APBB1IP: variants seen among roughly 807,000 people sequenced by gnomAD.
APBB1IP encodes the protein amyloid beta precursor protein binding family B member 1 interacting protein, also known as amyloid beta A4 precursor protein-binding family B member 1-interacting protein.
In APBB1IP, 27 loss-of-function variants were observed where a neutral mutation model predicts 64.9. That is an observed-to-expected ratio of 0.42 (90% CI 0.31 to 0.57). APBB1IP has a LOEUF of 0.57. Among genes scored for constraint, APBB1IP ranks in the 20% least tolerant of loss-of-function variants. The pLI, the probability that APBB1IP is intolerant of heterozygous loss-of-function variation, is 0.20. For missense variants in APBB1IP, 812 were observed against 845.5 expected, an observed-to-expected ratio of 0.96 and a Z score of 0.49; for synonymous variants, 392 against 331.0, an observed-to-expected ratio of 1.18 and a Z score of -2.00.
In APBB1IP at chr10:26,503,590, G is replaced by A. The variant is rs368898282; in HGVS notation, c.531+316G>A. ...GTGGAGGTTGCAGTGAGCTGAGATC[G>A]AGCCACTGCACTCCAGCCTGGGAGA... On this transcript the variant is annotated intron_variant, in intron 6 of 14. Transcript: ENST00000376236. Among the ~76,000 whole-genome samples, 37 of 152,140 alleles carry A rather than the reference G, an allele frequency of 2.4e-4. 1 individual carries two copies. The East Asian group carries it at 4.8e-3, about 20-fold the overall frequency.
intron 2 of APBB1IP, among the ~76,000 whole-genome samples, chr10:26,450,269 G>A (rs548673228): frequency 2.6e-5 from 4 of 152,268 alleles, no homozygotes; most frequent in South Asian, 2.1e-4. Context: ...TGTAGCATGC[G>A]CTCAAAAATC....
chr10:26,557,840 TA>T (rs1210272516), intron 11 of APBB1IP, among the ~76,000 whole-genome samples: 14 of 152,198 alleles, frequency 9.2e-5, no homozygotes, highest in African/African-American at 3.4e-4. Context: ...AACTGAAGTT[TA>T]AAGACACGAG....
intron 2 of APBB1IP, among the ~76,000 whole-genome samples, chr10:26,467,678 A>G (rs1271318731): frequency 6.6e-6 from 1 of 152,202 alleles, no homozygotes; most frequent in African/African-American, 2.4e-5. Context: ...CCTGGACAAC[A>G]CAGCAAGACT....
intron 6 of APBB1IP, among the ~76,000 whole-genome samples, chr10:26,507,237 A>C (rs1836193332): frequency 6.6e-6 from 1 of 152,160 alleles, no homozygotes; most frequent in African/African-American, 2.4e-5. Context: ...TCACACCTCT[A>C]ATCTCAGCAC....
chr10:26,438,341 A>G lies in APBB1IP; in HGVS notation c.-317A>G, dbSNP rs1380087439. Reference sequence around the variant, plus strand: ...CCGTTGCAACATAAAGCGGCCTCTCAGTCTTTGGTGGAACCATCACTAGGC... The same window carrying G: ...CCGTTGCAACATAAAGCGGCCTCTCGGTCTTTGGTGGAACCATCACTAGGC... On this transcript the variant is annotated 5_prime_UTR_variant, in exon 1 of 15. Transcript: ENST00000376236. The G allele has an allele frequency of 6.6e-6, 1 of 152,188 alleles. No homozygotes were observed. The highest frequency in any genetic ancestry group is 1.5e-5 in the Non-Finnish European group (1 of 68,046). The allele number at this position is 152,188 out of a possible 1,614,324, so 9.4% of individuals were successfully genotyped here.
intron 13 of APBB1IP, 34 bp from the exon 14 acceptor site, chr10:26,562,292 G>C (rs1286623450): frequency 6.8e-7 from 1 of 1,478,534 alleles, no homozygotes; most frequent in East Asian, 2.3e-5. Context: ...AAAATGCTTT[G>C]CTCACTCTTC....
rs138989398 is a variant in APBB1IP at position 26,518,880 on chromosome 10, C to T, written c.813+5220C>T. Among the ~76,000 whole-genome samples, 14 of 152,276 alleles carry T rather than the reference C, an allele frequency of 9.2e-5. No individual in the cohort carries two copies. In the East Asian group the frequency reaches 1.9e-3, roughly 21 times the overall value. ...TTGACCTCTTGCGTCCTAATTGCTT[C>T]AATAGCTCTCTAATGCCTTCACACA... is the stretch of plus-strand genomic sequence containing the variant. On this transcript the variant is annotated intron_variant, in intron 8 of 14. Coordinates refer to ENST00000376236, the MANE Select transcript of APBB1IP (RefSeq NM_019043.4).
chr10:26,532,715 C>G (rs1385232240), intron 8 of APBB1IP, among the ~76,000 whole-genome samples: 1 of 152,084 alleles, frequency 6.6e-6, no homozygotes, highest in East Asian at 1.9e-4. Flanking sequence ...GTCTCAGACT[C>G]CAGGGTTCAA....
Position 26,536,112 on chromosome 10 carries a change from G to T in APBB1IP, c.939G>T (p.Leu313=). The T allele has an allele frequency of 6.2e-7, 1 of 1,605,882 alleles. No homozygotes were observed. The highest frequency in any genetic ancestry group is 8.5e-7 in the Non-Finnish European group (1 of 1,177,080). ...GAACATCTATCATTGTACCAGAACT[G>T]GAAGGAGCTCTTTATTTGAAAGAAG... ...FCGTSIIVPE[L]EGALYLKEDG... is the part of the protein sequence containing the mutation. The change falls in exon 10 of 15, where the codon CTG becomes CTT. Residue 313 remains leucine (L), a synonymous_variant. Coordinates refer to ENST00000376236, the MANE Select transcript of APBB1IP (RefSeq NM_019043.4).
chr10:26,524,247 T>C (rs549854380), intron 8 of APBB1IP, among the ~76,000 whole-genome samples: 1 of 152,260 alleles, frequency 6.6e-6, no homozygotes, highest in Admixed American at 6.5e-5. Flanking sequence ...AAGGTCCTCC[T>C]GTGGCAAGCG....
chr10:26,562,142 T>C (rs1836980663), intron 13 of APBB1IP, 184 bp from the exon 14 acceptor site: 1 of 515,496 alleles, frequency 1.9e-6, no homozygotes, highest in East Asian at 3.5e-5. Flanking sequence ...AGGTTTTGTG[T>C]ACCATGCCAT....
At position 26,560,851 on chromosome 10, in the gene APBB1IP, A is replaced by G; in HGVS notation, c.1369+7A>G. The G allele has an allele frequency of 6.4e-7, 1 of 1,573,600 alleles. No individual in the cohort carries two copies. On this transcript the variant is annotated splice_region_variant and intron_variant, in intron 13 of 14. Transcript: ENST00000376236. ...CCAGCTCAGCCATCTACAGGTACTA[A>G]GTGGAGGAGAAATTCCAACACATAT...
chr10:26,488,797 C>A (rs1261064778), intron 2 of APBB1IP, among the ~76,000 whole-genome samples: 2 of 152,204 alleles, frequency 1.3e-5, no homozygotes, highest in Admixed American at 1.3e-4. Context: ...CACACATAGA[C>A]CTAGACCTTC....
intron 8 of APBB1IP, among the ~76,000 whole-genome samples, chr10:26,518,560 C>T (rs1836362130): frequency 6.6e-6 from 1 of 152,192 alleles, no homozygotes. Flanking sequence ...CCTGTTGTTC[C>T]AGATCCTTGA....
At chr10:26,551,761 G>A (rs527876330) in intron 11 of APBB1IP, among the ~76,000 whole-genome samples, 1 of 152,186 alleles carries the variant, frequency 6.6e-6, no homozygotes, top group East Asian at 1.9e-4. Flanking sequence ...TATTTTTATT[G>A]GCTTTCTCCC....
intron 13 of APBB1IP, among the ~76,000 whole-genome samples, chr10:26,561,052 C>CTTTT (rs1836962560): frequency 5.3e-5 from 6 of 113,300 alleles, no homozygotes; most frequent in East Asian, 2.9e-4. Flanking sequence ...TTCTTTTTTT[C>CTTTT]TTTCTTTCTT....
chr10:26,473,400 G>T (rs1310032708), intron 2 of APBB1IP, among the ~76,000 whole-genome samples: 1 of 152,170 alleles, frequency 6.6e-6, no homozygotes, highest in Non-Finnish European at 1.5e-5. Context: ...TTAATTGGCT[G>T]GCCTGTCCTG....
intron 3 of APBB1IP, among the ~76,000 whole-genome samples, chr10:26,494,879 C>T (rs1046217503): frequency 7.2e-5 from 11 of 151,928 alleles, no homozygotes; most frequent in Non-Finnish European, 1.5e-4. Context: ...ACTTTATATT[C>T]CCAATAAGAG....
intron 2 of APBB1IP, among the ~76,000 whole-genome samples, chr10:26,476,735 C>T (rs1835780509): frequency 6.6e-6 from 1 of 152,086 alleles, no homozygotes. Context: ...ATACTATATT[C>T]TGATATATAG....
Sources: gnomAD v4.1 joint callset for allele counts (sites outside exome capture counted in the v4.1 genomes callset) on GRCh38, gnomAD v4.1.1 for gene constraint, MANE v1.5 for transcripts, NCBI Gene and HGNC (gene_info 2026-07-23, HGNC 2026-07-21) for gene names.